Variants in SEC63 observed in about 807,000 individuals in gnomAD.
SEC63 encodes translocation protein SEC63 homolog.
A neutral mutation model predicts 116.2 loss-of-function variants in SEC63; 56 were observed. That is an observed-to-expected ratio of 0.48 (90% CI 0.39 to 0.60). The LOEUF is 0.60. Ranked by LOEUF, SEC63 falls within the 20% of genes least tolerant of loss-of-function variation. The probability of loss-of-function intolerance (pLI) is 0.00; values close to 1 mark genes in which losing one functional copy is unlikely to be tolerated. For missense variants in SEC63, 668 were observed against 900.0 expected, an observed-to-expected ratio of 0.74 and a Z score of 3.30; for synonymous variants, 273 against 294.6, an observed-to-expected ratio of 0.93 and a Z score of 0.75.
intron 2 of SEC63, among the ~76,000 whole-genome samples, chr6:107,926,955 C>G (rs554863762): frequency 1.3e-5 from 2 of 152,166 alleles, no homozygotes; most frequent in African/African-American, 4.8e-5. Context: ...AGAAACATAA[C>G]GGATCACATC....
rs115667210 is a variant in SEC63 at position 107,918,440 on chromosome 6, C to A, written c.452+3357G>T. On this transcript the variant is annotated intron_variant, in intron 4 of 20. Transcript: ENST00000369002. ...ATTATTTAAGAAATAGTAAGACTTG[C>A]ACTGAGCAATTTCAGAGGCCGAGGT... Among the ~76,000 whole-genome samples, 246 of 152,152 alleles carry A rather than the reference C, an allele frequency of 1.6e-3. 1 individual carries two copies. Among genetic ancestry groups the A allele is most frequent in the African/African-American group, 5.8e-3 (242 of 41,510 alleles).
intron 1 of SEC63, among the ~76,000 whole-genome samples, chr6:107,930,993 C>T (rs1160977996): frequency 1.3e-5 from 2 of 151,550 alleles, no homozygotes; most frequent in African/African-American, 4.9e-5. Flanking sequence ...TCAAAGCAAA[C>T]AAACAAAAAG....
chr6:107,923,859 A>G (rs771124475), intron 3 of SEC63, among the ~76,000 whole-genome samples: 7 of 152,102 alleles, frequency 4.6e-5, no homozygotes, highest in Non-Finnish European at 7.4e-5. Flanking sequence ...TAGATTTTAC[A>G]TTGCTTAAGT....
intron 19 of SEC63, among the ~76,000 whole-genome samples, chr6:107,875,588 A>G (rs1322470802): frequency 1.3e-5 from 2 of 152,110 alleles, no homozygotes; most frequent in Non-Finnish European, 2.9e-5. Flanking sequence ...GCACGTATGT[A>G]GTCCCAGCTA....
At chr6:107,934,707 CGGCA>C in intron 1 of SEC63, among the ~76,000 whole-genome samples, 1 of 28,244 alleles carries the variant, frequency 3.5e-5, no homozygotes, top group Admixed American at 3.5e-4. Flanking sequence ...CCGCCCCGTC[CGGCA>C]GGGAGGTGGG....
chr6:107,928,784 G>A (rs1191776954), intron 2 of SEC63, among the ~76,000 whole-genome samples: 1 of 152,166 alleles, frequency 6.6e-6, no homozygotes, highest in Non-Finnish European at 1.5e-5. Context: ...AAAGCCTTGT[G>A]TTTAACCAGT....
At chr6:107,923,645 C>T (rs1239227928) in intron 3 of SEC63, among the ~76,000 whole-genome samples, 1 of 152,016 alleles carries the variant, frequency 6.6e-6, no homozygotes, top group Non-Finnish European at 1.5e-5. Context: ...TCACTTTGGC[C>T]TCCCAAGTAG....
intron 2 of SEC63, 66 bp downstream of exon 2, chr6:107,929,349 A>G (rs1787746767): frequency 2.4e-6 from 2 of 820,376 alleles, no homozygotes; most frequent in South Asian, 1.4e-5. Flanking sequence ...CATTACACGT[A>G]TATGTTGTAT....
At chr6:107,889,980 T>G (rs551372340) in intron 16 of SEC63, among the ~76,000 whole-genome samples, 1 of 152,332 alleles carries the variant, frequency 6.6e-6, no homozygotes, top group East Asian at 1.9e-4. Flanking sequence ...TCACATTTGC[T>G]GAGGAGTGTT....
intron 11 of SEC63, among the ~76,000 whole-genome samples, chr6:107,903,597 C>T (rs1360852997): frequency 6.6e-6 from 1 of 152,038 alleles, no homozygotes; most frequent in Non-Finnish European, 1.5e-5. Context: ...TCCAGCTACT[C>T]GGAGAGCTAA....
intron 14 of SEC63, 133 bp from the exon 15 acceptor site, chr6:107,894,030 T>G: frequency 1.1e-6 from 1 of 930,860 alleles, no homozygotes. Flanking sequence ...AAGGAGACGT[T>G]TAGCAATTAC....
At chr6:107,913,220 A>C in intron 5 of SEC63, 146 bp downstream of exon 5, 2 of 648,600 alleles carry the variant, frequency 3.1e-6, no homozygotes, top group Non-Finnish European at 5.3e-6. Flanking sequence ...AAAATAAAGC[A>C]AAAATTAATG....
At chr6:107,956,499 TAAATGCACTTAGGAAATAA>T (rs1770715151) in intron 1 of SEC63, among the ~76,000 whole-genome samples, 1 of 152,168 alleles carries the variant, frequency 6.6e-6, no homozygotes, top group Non-Finnish European at 1.5e-5. Context: ...CTACACAATT[TAAATGCACTTAGGAAATAA>T]GGCACAACAG....
At chr6:107,946,631 C>A (rs1462298304) in intron 1 of SEC63, among the ~76,000 whole-genome samples, 1 of 152,170 alleles carries the variant, frequency 6.6e-6, no homozygotes, top group Non-Finnish European at 1.5e-5. Context: ...GTATATGCTG[C>A]ATGTCTGATA....
chr6:107,887,807 A>G (rs1343121028), intron 16 of SEC63, among the ~76,000 whole-genome samples: 1 of 152,230 alleles, frequency 6.6e-6, no homozygotes, highest in African/African-American at 2.4e-5. Context: ...TGCTTTCTGC[A>G]TATGGCTAGC....
At chr6:107,891,489 T>C (rs942807973) in intron 16 of SEC63, among the ~76,000 whole-genome samples, 1 of 152,128 alleles carries the variant, frequency 6.6e-6, no homozygotes, top group Non-Finnish European at 1.5e-5. Context: ...CTTAGCTTCC[T>C]TGCATTGGGT....
intron 6 of SEC63, among the ~76,000 whole-genome samples, chr6:107,911,799 A>G (rs983672049): frequency 3.3e-5 from 5 of 152,242 alleles, no homozygotes; most frequent in Non-Finnish European, 7.3e-5. Context: ...GCAGGTATTT[A>G]TATATCCACA....
Position 107,867,839 on chromosome 6 carries a change from AAT to A in SEC63, c.*3863_*3864del. On this transcript the variant is annotated 3_prime_UTR_variant, in exon 21 of 21. Coordinates refer to ENST00000369002, the MANE Select transcript of SEC63 (RefSeq NM_007214.5). Reference sequence around the variant, plus strand: ...TTATGTACATTATAAAACACACAAAAATAGAAATTTAAAAGGATGAGATTAAA... The same window carrying A: ...TTATGTACATTATAAAACACACAAAAAGAAATTTAAAAGGATGAGATTAAA... The A allele has an allele frequency of 6.6e-6, 1 of 152,290 alleles. No individual in the cohort carries two copies. The highest frequency in any genetic ancestry group is 2.1e-4 in the South Asian group (1 of 4,830). 9.4% of individuals were successfully genotyped at this position (152,290 alleles called of 1,614,324 possible).
Position 107,871,295 on chromosome 6 carries a change from TG to T in SEC63, c.*408del, listed in dbSNP as rs1786128257. ...AGCGATGTTACTTAAACTTGAGCGA[TG>T]TTACTTAAAACATATTTGTGGTGTT... On this transcript the variant is annotated 3_prime_UTR_variant, in exon 21 of 21. Transcript: ENST00000369002. 5.3e-6 allele frequency: 1 copy of T among 190,124 alleles called. No individual in the cohort carries two copies. The highest frequency in any genetic ancestry group is 1.0e-4 in the South Asian group (1 of 9,906). The allele number at this position is 190,124 out of a possible 1,614,324, so 11.8% of individuals were successfully genotyped here. A position where few individuals can be genotyped will look rare whatever the true frequency, so the allele number is the denominator to read the frequency against.
Sources: gnomAD v4.1 joint callset for allele counts (sites outside exome capture counted in the v4.1 genomes callset) on GRCh38, gnomAD v4.1.1 for gene constraint, MANE v1.5 for transcripts, NCBI Gene and HGNC (gene_info 2026-07-23, HGNC 2026-07-21) for gene names.